EXOC6B: variants seen among roughly 807,000 people sequenced by gnomAD.
The protein encoded by EXOC6B is exocyst complex component 6B.
A neutral mutation model predicts 113.5 loss-of-function variants in EXOC6B; 54 were observed. The observed-to-expected ratio is 0.48, with a 90% CI of 0.38 to 0.60. The LOEUF (loss-of-function observed/expected upper bound fraction) is 0.60, where lower values mean the gene tolerates loss of function less well. Among genes scored for constraint, EXOC6B ranks in the 20% least tolerant of loss-of-function variants. EXOC6B has a pLI of 0.00. For missense variants in EXOC6B, 797 were observed against 977.5 expected (o/e 0.82, Z 2.46); for synonymous variants, 357 against 339.0 (o/e 1.05, Z -0.58).
intron 16 of EXOC6B, among the ~76,000 whole-genome samples, chr2:72,491,029 G>C (rs1699712384): frequency 6.6e-6 from 1 of 152,128 alleles, no homozygotes; most frequent in Admixed American, 6.6e-5. Flanking sequence ...TCCAGAAAAA[G>C]AAAACACTAT....
chr2:72,519,623 A>T (rs1018050483), intron 8 of EXOC6B, among the ~76,000 whole-genome samples: 4 of 152,182 alleles, frequency 2.6e-5, no homozygotes, highest in African/African-American at 9.6e-5. Flanking sequence ...CTAAACCTGT[A>T]TTTCTCCTAA....
At chr2:72,773,582 A>C (rs541346928) in intron 1 of EXOC6B, among the ~76,000 whole-genome samples, 1 of 152,200 alleles carries the variant, frequency 6.6e-6, no homozygotes, top group East Asian at 1.9e-4. Context: ...TTAAAATTAT[A>C]CCTCAAGAAA....
intron 6 of EXOC6B, among the ~76,000 whole-genome samples, chr2:72,715,943 A>C (rs1679586134): frequency 6.6e-6 from 1 of 152,144 alleles, no homozygotes; most frequent in African/African-American, 2.4e-5. Context: ...TGTTCTATGT[A>C]TGAGAGAAAG....
chr2:72,309,084 A>G (rs1687050054), intron 20 of EXOC6B, among the ~76,000 whole-genome samples: 1 of 152,136 alleles, frequency 6.6e-6, no homozygotes, highest in African/African-American at 2.4e-5. Flanking sequence ...TAACCCTATG[A>G]CCAAAGGGGT....
intron 6 of EXOC6B, among the ~76,000 whole-genome samples, chr2:72,604,667 C>A (rs1670638553): frequency 6.6e-6 from 1 of 152,180 alleles, no homozygotes; most frequent in South Asian, 2.1e-4. Context: ...ATGTACATAA[C>A]TGTACTTCTA....
chr2:72,604,117 T>C (rs1428472249), intron 6 of EXOC6B, among the ~76,000 whole-genome samples: 2 of 152,236 alleles, frequency 1.3e-5, no homozygotes, highest in African/African-American at 4.8e-5. Flanking sequence ...CGGAAGTTTC[T>C]GTCACACTGA....
At chr2:72,575,799 T>G (rs1458908023) in intron 6 of EXOC6B, 131 bp from the exon 7 acceptor site, 1 of 779,408 alleles carries the variant, frequency 1.3e-6, no homozygotes, top group East Asian at 3.0e-5. Context: ...CAAATTGATA[T>G]CTTAACGAAA....
chr2:72,658,007 AAT>A (rs201592898), intron 6 of EXOC6B, among the ~76,000 whole-genome samples: 15 of 149,386 alleles, frequency 1.0e-4, no homozygotes, highest in East Asian at 3.9e-4. Flanking sequence ...AATTTGAAGA[AAT>A]ATATATATAT....
chr2:72,537,967 CT>C, intron 8 of EXOC6B, among the ~76,000 whole-genome samples: 1 of 146,050 alleles, frequency 6.8e-6, no homozygotes, highest in Non-Finnish European at 1.5e-5. Context: ...CTAGAAATGA[CT>C]AAGACTTTTT....
chr2:72,292,257 G>A (rs1685844884), intron 20 of EXOC6B, among the ~76,000 whole-genome samples: 1 of 146,966 alleles, frequency 6.8e-6, no homozygotes, highest in Non-Finnish European at 1.5e-5. Flanking sequence ...TACCAGGTTT[G>A]ATAACTACTG....
intron 20 of EXOC6B, among the ~76,000 whole-genome samples, chr2:72,256,693 C>T (rs2104566511): frequency 6.6e-6 from 1 of 152,258 alleles, no homozygotes; most frequent in African/African-American, 2.4e-5. Flanking sequence ...GCCCCTACTC[C>T]CAACCTGCTA....
At chr2:72,670,007 T>C (rs889863694) in intron 6 of EXOC6B, among the ~76,000 whole-genome samples, 1 of 152,206 alleles carries the variant, frequency 6.6e-6, no homozygotes, top group African/African-American at 2.4e-5. Flanking sequence ...CCATATAAAT[T>C]AGGGGAAATT....
At chr2:72,519,227 A>G (rs1020560961) in intron 8 of EXOC6B, among the ~76,000 whole-genome samples, 1 of 152,088 alleles carries the variant, frequency 6.6e-6, no homozygotes, top group Non-Finnish European at 1.5e-5. Context: ...CTGCCTTCTT[A>G]TTTTAGTTTT....
At chr2:72,234,871 T>G (rs1391499771) in intron 20 of EXOC6B, among the ~76,000 whole-genome samples, 2 of 152,108 alleles carry the variant, frequency 1.3e-5, no homozygotes, top group African/African-American at 4.8e-5. Context: ...AGAAAGGCTA[T>G]TATTAAAAAG....
At chr2:72,270,840 T>C (rs1684438413) in intron 20 of EXOC6B, among the ~76,000 whole-genome samples, 1 of 152,184 alleles carries the variant, frequency 6.6e-6, no homozygotes, top group South Asian at 2.1e-4. Flanking sequence ...TCCTTTGTAT[T>C]AAGCCTCACC....
intron 8 of EXOC6B, among the ~76,000 whole-genome samples, chr2:72,520,095 T>C (rs1202188678): frequency 1.3e-5 from 2 of 152,222 alleles, no homozygotes; most frequent in African/African-American, 4.8e-5. Flanking sequence ...CCATCTGATA[T>C]TGTTTACTGT....
chr2:72,676,088 C>G (rs1359143815), intron 6 of EXOC6B, among the ~76,000 whole-genome samples: 2 of 150,048 alleles, frequency 1.3e-5, no homozygotes, highest in Non-Finnish European at 3.0e-5. Context: ...ATGAACAGAC[C>G]AGGCTCTGAA....
intron 19 of EXOC6B, among the ~76,000 whole-genome samples, chr2:72,351,710 G>A (rs551357767): frequency 3.9e-5 from 6 of 152,090 alleles, no homozygotes; most frequent in African/African-American, 1.4e-4. Context: ...CTTCTAACTG[G>A]TTTTTACATC....
At chr2:72,494,291 G>A (rs766995613) in intron 15 of EXOC6B, among the ~76,000 whole-genome samples, 1 of 152,018 alleles carries the variant, frequency 6.6e-6, no homozygotes, top group Non-Finnish European at 1.5e-5. Flanking sequence ...ATACCCTACA[G>A]ACAATTATCT....
Sources: allele counts gnomAD v4.1 joint callset (sites outside exome capture counted in the v4.1 genomes callset), GRCh38; gene constraint gnomAD v4.1.1; transcripts MANE v1.5; gene names NCBI Gene and HGNC (gene_info 2026-07-23, HGNC 2026-07-21).